The following CHODL variants were observed in gnomAD, a reference collection of about 807,000 sequenced individuals.
CHODL encodes the protein transmembrane protein MT75.
Under a neutral mutation model 34.5 loss-of-function variants are expected in CHODL, and 29 were observed. The observed-to-expected ratio is 0.84, with a 90% CI of 0.63 to 1.15. The LOEUF is 1.15. CHODL is among the 50% of genes most tolerant of loss of function. The pLI is 0.00. For synonymous variants in CHODL, 125 were observed against 116.1 expected, an observed-to-expected ratio of 1.08 and a Z score of -0.49; for missense variants, 332 against 332.5, an observed-to-expected ratio of 1.00 and a Z score of 0.01.
chr21:17,951,991 T>C (rs2063461065), intron 1 of CHODL, among the ~76,000 whole-genome samples: 2 of 152,026 alleles, frequency 1.3e-5, no homozygotes, highest in South Asian at 4.2e-4. Flanking sequence ...CTCAGCACTT[T>C]GGGAGGCTGA....
rs542323934 is a variant in CHODL at position 17,929,602 on chromosome 21, A to G, written c.-145+12202A>G. Among the ~76,000 whole-genome samples, 22 of 152,332 alleles carry G rather than the reference A, an allele frequency of 1.4e-4. No individual in the cohort carries two copies. The South Asian group carries it at 3.9e-3, about 27-fold the overall frequency. On this transcript the variant is annotated intron_variant, in intron 1 of 6. Coordinates refer to the CHODL transcript ENST00000400127. The stretch of plus-strand genomic sequence containing the variant: ...CAGGAGTAGCTCCCTGACATGGGGA[A>G]GGGCTGAGTGAGCAACCCCTGGGGC...
chr21:18,253,920 C>T (rs2074286492), intron 1 of CHODL, among the ~76,000 whole-genome samples: 2 of 152,098 alleles, frequency 1.3e-5, no homozygotes, highest in Admixed American at 1.3e-4. Context: ...ATTGCCAGAA[C>T]TACTATTTTA....
chr21:18,251,330 G>C lies in CHODL; in HGVS notation c.80-5179G>C, dbSNP rs558698875. On this transcript the variant is annotated intron_variant, in intron 1 of 5. Transcript: ENST00000299295. ...AAAGGGCCTGTTTATTTATGTAGCTGTGTGTGAAACTAATAAGGATGAATA... is the reference window on the plus strand; with the variant it reads ...AAAGGGCCTGTTTATTTATGTAGCTCTGTGTGAAACTAATAAGGATGAATA... Among the ~76,000 whole-genome samples, 11 of 148,032 alleles carry C rather than the reference G, an allele frequency of 7.4e-5. No homozygotes were observed. The East Asian group carries it at 2.0e-3, about 26-fold the overall frequency.
chr21:18,172,525 C>T (rs1474371045), intron 2 of CHODL, among the ~76,000 whole-genome samples: 4 of 151,964 alleles, frequency 2.6e-5, no homozygotes, highest in Admixed American at 2.0e-4. Flanking sequence ...GGGATTAATT[C>T]ACATTGAAAT....
intron 2 of CHODL, among the ~76,000 whole-genome samples, chr21:18,136,105 CAAAA>C (rs67552520): frequency 1.1e-5 from 1 of 89,468 alleles, no homozygotes; most frequent in Non-Finnish European, 2.1e-5. Flanking sequence ...GATTATGTCT[CAAAA>C]AAAAAAAAAG....
At chr21:18,099,359 T>C (rs773955341) in intron 2 of CHODL, among the ~76,000 whole-genome samples, 1 of 151,856 alleles carries the variant, frequency 6.6e-6, no homozygotes, top group Non-Finnish European at 1.5e-5. Flanking sequence ...TAAATATGTA[T>C]ACCTACTGAG....
intron 2 of CHODL, among the ~76,000 whole-genome samples, chr21:18,028,225 C>T (rs2064198540): frequency 9.4e-6 from 1 of 106,570 alleles, no homozygotes. Flanking sequence ...CTCCCCTCCC[C>T]TCCCCTCCCC....
intron 2 of CHODL, among the ~76,000 whole-genome samples, chr21:18,056,349 A>G (rs553236120): frequency 6.6e-6 from 1 of 151,120 alleles, no homozygotes; most frequent in East Asian, 1.9e-4. Flanking sequence ...CTTAAAATAA[A>G]TTTTTATCTT....
chr21:18,220,110 T>C (rs535179927), intron 2 of CHODL, among the ~76,000 whole-genome samples: 1 of 152,196 alleles, frequency 6.6e-6, no homozygotes, highest in Non-Finnish European at 1.5e-5. Flanking sequence ...TTTTTGTATA[T>C]GATAGTCCAT....
chr21:18,136,309 G>A (rs1333850189), intron 2 of CHODL, among the ~76,000 whole-genome samples: 3 of 151,904 alleles, frequency 2.0e-5, no homozygotes, highest in Non-Finnish European at 2.9e-5. Context: ...TATTTTTAAT[G>A]GATACTATTT....
chr21:18,142,354 T>C (rs1184797701), intron 2 of CHODL, among the ~76,000 whole-genome samples: 2 of 152,198 alleles, frequency 1.3e-5, no homozygotes, highest in East Asian at 3.9e-4. Flanking sequence ...GCTTTAATTC[T>C]GTGCCATCGA....
intron 4 of CHODL, among the ~76,000 whole-genome samples, chr21:18,260,704 C>T (rs752371261): frequency 5.9e-5 from 9 of 152,150 alleles, no homozygotes; most frequent in Non-Finnish European, 1.2e-4. Flanking sequence ...GTCCCAGCTA[C>T]TGGGAAGCTG....
At chr21:17,926,235 CT>C (rs1233975992) in intron 1 of CHODL, among the ~76,000 whole-genome samples, 3 of 151,108 alleles carry the variant, frequency 2.0e-5, no homozygotes, top group African/African-American at 7.4e-5. Flanking sequence ...TTAGCTTTTC[CT>C]TTATGAAATG....
chr21:18,203,084 G>T (rs1405661758), intron 2 of CHODL, among the ~76,000 whole-genome samples: 2 of 152,026 alleles, frequency 1.3e-5, no homozygotes, highest in Non-Finnish European at 2.9e-5. Flanking sequence ...TTTTGTATTT[G>T]CAAACCAAAC....
chr21:18,217,518 C>A (rs542161840), intron 2 of CHODL, among the ~76,000 whole-genome samples: 23 of 152,064 alleles, frequency 1.5e-4, no homozygotes, highest in Non-Finnish European at 2.9e-4. Context: ...CCTCCCATTG[C>A]GTCCTTCCCA....
chr21:18,185,576 G>A (rs944303700), intron 2 of CHODL, among the ~76,000 whole-genome samples: 7 of 152,124 alleles, frequency 4.6e-5, no homozygotes, highest in African/African-American at 1.7e-4. Flanking sequence ...AATCCTGGTG[G>A]TGGCTTGTGT....
At chr21:18,238,500 A>G (rs2074050834) in intron 2 of CHODL, among the ~76,000 whole-genome samples, 1 of 152,114 alleles carries the variant, frequency 6.6e-6, no homozygotes, top group African/African-American at 2.4e-5. Context: ...GTTATCTCCC[A>G]GTGGGTCCCT....
intron 1 of CHODL, among the ~76,000 whole-genome samples, chr21:17,970,140 G>A (rs1301189419): frequency 2.0e-5 from 3 of 152,116 alleles, no homozygotes; most frequent in African/African-American, 7.2e-5. Context: ...CATCTATTCT[G>A]TGGTATCAAA....
At chr21:18,066,472 G>A (rs745743721) in intron 2 of CHODL, among the ~76,000 whole-genome samples, 30 of 152,238 alleles carry the variant, frequency 2.0e-4, no homozygotes, top group Non-Finnish European at 3.7e-4. Context: ...ATCCCACTCC[G>A]TTTTCTGCAT....
Sources: allele counts gnomAD v4.1 joint callset (sites outside exome capture counted in the v4.1 genomes callset), GRCh38; gene constraint gnomAD v4.1.1; transcripts MANE v1.5; gene names NCBI Gene and HGNC (gene_info 2026-07-23, HGNC 2026-07-21).